Variants in GNAL observed in about 807,000 individuals in gnomAD.
GNAL encodes guanine nucleotide-binding protein G(olf) subunit alpha.
GNAL carries 18 observed loss-of-function variants against 55.1 expected under a neutral mutation model. The observed-to-expected ratio is 0.33, with a 90% CI of 0.23 to 0.48. The LOEUF (loss-of-function observed/expected upper bound fraction) is 0.48, where lower values mean the gene tolerates loss of function less well. Among genes scored for constraint, GNAL ranks in the 20% least tolerant of loss-of-function variants. The pLI, the probability that GNAL is intolerant of heterozygous loss-of-function variation, is 0.99. For missense variants in GNAL, 412 were observed against 614.1 expected (o/e 0.67, Z 3.48); for synonymous variants, 253 against 237.0 (o/e 1.07, Z -0.62).
At chr18:11,694,232 A>G (rs1048389143) in intron 1 of GNAL, among the ~76,000 whole-genome samples, 2 of 152,092 alleles carry the variant, frequency 1.3e-5, no homozygotes, top group Admixed American at 1.3e-4. Context: ...AGACCTTCCC[A>G]TAGTCCTCTA....
At chr18:11,814,851 T>C (rs1232186425) in intron 4 of GNAL, among the ~76,000 whole-genome samples, 3 of 148,390 alleles carry the variant, frequency 2.0e-5, no homozygotes, top group Admixed American at 6.7e-5. Flanking sequence ...TGAACCGAGA[T>C]CACGCCACTG....
Position 11,695,177 on chromosome 18 carries a change from T to G in GNAL, c.376+5238T>G, listed in dbSNP as rs1430884402. Reference sequence around the variant, plus strand: ...CAGCTGCATCCTAGCTTCATCCCACTGTTGCTTTGTGAGAACACAGGCCCA... The same window carrying G: ...CAGCTGCATCCTAGCTTCATCCCACGGTTGCTTTGTGAGAACACAGGCCCA... On this transcript the variant is annotated intron_variant, in intron 1 of 11. Coordinates refer to ENST00000334049, the MANE Select transcript of GNAL (RefSeq NM_182978.4). Among the ~76,000 whole-genome samples the G allele has an allele frequency of 5.9e-5, 9 of 152,238 alleles. 1 individual carries two copies. Among genetic ancestry groups the G allele is most frequent in the Admixed American group, 5.9e-4 (9 of 15,282 alleles).
In GNAL at chr18:11,765,401, AT is replaced by A. The variant is rs1251831637; in HGVS notation, c.624+11458del. Among the ~76,000 whole-genome samples the A allele has an allele frequency of 2.6e-5, 4 of 152,342 alleles. No homozygotes were observed. The East Asian group carries it at 7.7e-4, about 29-fold the overall frequency. ...ATATCCGTCACCTCAAACATTTATC[AT>A]TCCTTTGTGTTAGGACTATTCTAAT... On this transcript the variant is annotated intron_variant, in intron 4 of 11. Transcript: ENST00000334049.
At chr18:11,813,481 T>C (rs2034875312) in intron 4 of GNAL, among the ~76,000 whole-genome samples, 1 of 152,188 alleles carries the variant, frequency 6.6e-6, no homozygotes, top group East Asian at 1.9e-4. Context: ...AAGCAAAGAC[T>C]AAAGTCGTGA....
chr18:11,844,907 C>T (rs1414065287), intron 5 of GNAL, among the ~76,000 whole-genome samples: 1 of 151,536 alleles, frequency 6.6e-6, no homozygotes, highest in Non-Finnish European at 1.5e-5. Context: ...CTCTTGTTGC[C>T]CAGGCTGGAG....
rs1008644864 is a variant in GNAL at position 11,690,009 on chromosome 18, C to G, written c.376+70C>G. 82 of 949,240 alleles carry G rather than the reference C, an allele frequency of 8.6e-5. No homozygotes were observed. In the African/African-American group the frequency reaches 1.3e-3, roughly 15 times the overall value. The allele number at this position is 949,240 out of a possible 1,614,324, so 58.8% of individuals were successfully genotyped here. On this transcript the variant is annotated intron_variant, in intron 1 of 11. Transcript: ENST00000334049. ...GCCGGGCCCGCGGGGGCGGCGGGCA[C>G]CGGGGAGCGGTGGCGGGCACCGGGG...
intron 5 of GNAL, among the ~76,000 whole-genome samples, chr18:11,842,116 G>T (rs1245790138): frequency 6.6e-6 from 1 of 152,014 alleles, no homozygotes; most frequent in Admixed American, 6.6e-5. Flanking sequence ...GGGATTACAG[G>T]CATGTGCTAT....
intron 9 of GNAL, 144 bp from the exon 10 acceptor site, chr18:11,872,124 A>G (rs1337552988): frequency 1.4e-5 from 8 of 582,518 alleles, no homozygotes; most frequent in South Asian, 2.3e-5. Flanking sequence ...AGATGGAATG[A>G]GGATACTGGT....
intron 1 of GNAL, among the ~76,000 whole-genome samples, chr18:11,726,729 T>C (rs757416606): frequency 6.6e-6 from 1 of 152,202 alleles, no homozygotes; most frequent in Non-Finnish European, 1.5e-5. Flanking sequence ...CATGTCCTAA[T>C]AGAATTACGT....
rs889209647 is a variant in GNAL, at chr18:11,882,972, A to ATC, written c.*1838_*1839insCT. 1.3e-5 allele frequency: 2 copies of ATC among 152,192 alleles called. No homozygotes were observed. The highest frequency in any genetic ancestry group is 2.9e-5 in the Non-Finnish European group (2 of 68,034). The allele number at this position is 152,192 out of a possible 1,614,324, so 9.4% of individuals were successfully genotyped here. A position where few individuals can be genotyped will look rare whatever the true frequency, so the allele number is the denominator to read the frequency against. ...GGGTAGTTTTTGTAGGTCTAAAATA[A>ATC]TAATCTATAAAGATGTCCAAAGTTA... On this transcript the variant is annotated 3_prime_UTR_variant, in exon 12 of 12. Coordinates refer to ENST00000334049, the MANE Select transcript of GNAL (RefSeq NM_182978.4).
chr18:11,863,263 G>A (rs867042653), intron 6 of GNAL, among the ~76,000 whole-genome samples: 1 of 152,126 alleles, frequency 6.6e-6, no homozygotes, highest in Non-Finnish European at 1.5e-5. Context: ...GAGAGCCCCC[G>A]GATTGCTCAA....
intron 1 of GNAL, among the ~76,000 whole-genome samples, chr18:11,721,816 G>A (rs1389122526): frequency 3.3e-5 from 5 of 151,934 alleles, no homozygotes; most frequent in African/African-American, 9.6e-5. Flanking sequence ...AACCCTGGAG[G>A]TGCAGGTTGT....
chr18:11,844,269 A>G (rs1254981237), intron 5 of GNAL, among the ~76,000 whole-genome samples: 1 of 152,088 alleles, frequency 6.6e-6, no homozygotes, highest in African/African-American at 2.4e-5. Flanking sequence ...CCCTGTCTCT[A>G]CTAAAAATGC....
At chr18:11,777,754 CG>C (rs1172147936) in intron 4 of GNAL, among the ~76,000 whole-genome samples, 3 of 152,080 alleles carry the variant, frequency 2.0e-5, no homozygotes, top group African/African-American at 7.2e-5. Flanking sequence ...TCAACCTACC[CG>C]GAAGAGCAGA....
At chr18:11,845,181 T>G (rs560043177) in intron 5 of GNAL, among the ~76,000 whole-genome samples, 1 of 152,178 alleles carries the variant, frequency 6.6e-6, no homozygotes, top group African/African-American at 2.4e-5. Flanking sequence ...TTTTAACTTA[T>G]AGATTGTAAG....
At chr18:11,786,451 T>TC (rs1291465160) in intron 4 of GNAL, among the ~76,000 whole-genome samples, 1 of 119,470 alleles carries the variant, frequency 8.4e-6, no homozygotes. Flanking sequence ...TTTTTTTTTT[T>TC]TTTTTTTTTT....
chr18:11,817,095 A>G (rs2034976802), intron 4 of GNAL, among the ~76,000 whole-genome samples: 1 of 152,150 alleles, frequency 6.6e-6, no homozygotes, highest in South Asian at 2.1e-4. Flanking sequence ...TAAATGGATG[A>G]ATTTATGGCA....
At position 11,868,667 on chromosome 18, in the gene GNAL, A is replaced by G; in HGVS notation, c.1031+4A>G. 1 of 1,599,662 alleles carries G rather than the reference A, an allele frequency of 6.3e-7. No individual in the cohort carries two copies. Among genetic ancestry groups the G allele is most frequent in the Non-Finnish European group, 8.5e-7 (1 of 1,175,762 alleles). ...TTGAAAGCATCTGGAACAACAGGTG[A>G]CAAAAATAGCAAATTCAGTCTTACC... On this transcript the variant is annotated splice_donor_region_variant and intron_variant, in intron 9 of 11. Coordinates refer to ENST00000334049, the MANE Select transcript of GNAL (RefSeq NM_182978.4). This position sits in a 1 kb window ranked among gnomAD's most constrained non-coding sequence, Gnocchi z 4.0.
intron 5 of GNAL, chr18:11,854,388 G>A (rs1307784855): frequency 2.4e-5 from 4 of 167,036 alleles, no homozygotes; most frequent in East Asian, 1.9e-4. Flanking sequence ...CACTTTTGCA[G>A]TTGATTACTG....
Sources: gnomAD v4.1 joint callset for allele counts (sites outside exome capture counted in the v4.1 genomes callset) on GRCh38, gnomAD v4.1.1 for gene constraint, Gnocchi (gnomAD v3.1) non-coding constraint, MANE v1.5 for transcripts, NCBI Gene and HGNC (gene_info 2026-07-23, HGNC 2026-07-21) for gene names.